Variants in SLC12A5 observed in about 807,000 individuals in gnomAD.
SLC12A5 encodes K-Cl cotransporter 2.
In SLC12A5, 18 loss-of-function variants were observed where a neutral mutation model predicts 124.0. The ratio of observed to expected loss-of-function variants is 0.15; its 90% CI spans 0.10 to 0.22. The LOEUF is 0.22. Among genes scored for constraint, SLC12A5 ranks in the 10% least tolerant of loss-of-function variants. The pLI is 1.00. For synonymous variants in SLC12A5, 589 were observed against 568.0 expected (o/e 1.04, Z -0.53); for missense variants, 867 against 1,478.7 (o/e 0.59, Z 6.78).
rs560941706 is a variant in SLC12A5 at position 46,040,727 on chromosome 20, G to A, written c.854+113G>A. On this transcript the variant is annotated intron_variant, in intron 7 of 25. Coordinates refer to ENST00000243964, the MANE Select transcript of SLC12A5 (RefSeq NM_020708.5). The stretch of plus-strand genomic sequence containing the variant: ...CCCTCAGAATCTCAGAGTGGTGTGG[G>A]TTGGGAGTAGCTTCCCTTGGGAGGG... 7.4e-6 allele frequency: 11 copies of A among 1,485,370 alleles called. No individual in the cohort carries two copies. The African/African-American group carries it at 8.4e-5, about 11-fold the overall frequency. 92.0% of individuals were successfully genotyped at this position (1,485,370 alleles called of 1,614,324 possible). A position where few individuals can be genotyped will look rare whatever the true frequency, so the allele number is the denominator to read the frequency against.
chr20:46,037,446 C>T, intron 6 of SLC12A5, 61 bp downstream of exon 6: 1 of 1,528,290 alleles, frequency 6.5e-7, no homozygotes, highest in Non-Finnish European at 8.8e-7. Context: ...ATCAGTGCTC[C>T]CTGGACACCT....
chr20:46,029,393 C>A lies in SLC12A5; in HGVS notation c.49C>A (p.Pro17Thr). 1 of 1,549,416 alleles carries A rather than the reference C, an allele frequency of 6.5e-7. No homozygotes were observed. Residue 17 changes from proline (P) to threonine (T), a missense_variant, in exon 1 of 26, where the codon CCG (proline) becomes ACG (threonine). Transcript: ENST00000243964. ...DCEDGDGGAN[P>T]GDGNPKESSP... ...CGAGGACGGCGATGGGGGAGCCAAC[C>A]CGGGTAAGCTGTGGTCCGGGGGCGG...
chr20:46,036,627 G>A (rs2084500870), intron 4 of SLC12A5, 114 bp from the exon 5 acceptor site: 3 of 1,088,838 alleles, frequency 2.8e-6, no homozygotes, highest in African/African-American at 3.1e-5. Flanking sequence ...GAGCAGCTCA[G>A]CAGAAGAGAA....
Position 46,058,582 on chromosome 20 carries a change from C to G in SLC12A5, c.*977C>G. The G allele has an allele frequency of 2.5e-6, 1 of 399,216 alleles. No homozygotes were observed. The highest frequency in any genetic ancestry group is 4.4e-6 in the Non-Finnish European group (1 of 226,200). The allele number at this position is 399,216 out of a possible 1,614,324, so 24.7% of individuals were successfully genotyped here. On this transcript the variant is annotated 3_prime_UTR_variant, in exon 26 of 26. Transcript: ENST00000243964. This position sits in a 1 kb window ranked among gnomAD's most constrained non-coding sequence, Gnocchi z 5.8. ...AGAAACCGAGAGGCCCGCGCCCCACCGAGGAAGCCCCGCCCCGGTGCCTTC... is the reference window on the plus strand; with the variant it reads ...AGAAACCGAGAGGCCCGCGCCCCACGGAGGAAGCCCCGCCCCGGTGCCTTC...
In SLC12A5 at chr20:46,048,062, G is replaced by T. The variant is rs373648545; in HGVS notation, c.1989G>T (p.Gly663=). The change falls in exon 16 of 26, where the codon GGG becomes GGT. Residue 663 remains glycine, a synonymous_variant. Transcript: ENST00000243964. ...ATGCCCTCTTACGCCTGGAGGAAGGGCCCCCACACACCAAGAACTGGAGGT... is the reference window on the plus strand; with the variant it reads ...ATGCCCTCTTACGCCTGGAGGAAGGTCCCCCACACACCAAGAACTGGAGGT... ...ARYALLRLEE[G]PPHTKNWRPQ... 1.2e-6 allele frequency: 2 copies of T among 1,612,462 alleles called. No homozygotes were observed. Among genetic ancestry groups the T allele is most frequent in the Non-Finnish European group, 8.5e-7 (1 of 1,179,250 alleles).
chr20:46,029,156 G>A (rs2084422460), upstream of SLC12A5: 2 of 1,404,242 alleles, frequency 1.4e-6, no homozygotes, highest in Non-Finnish European at 1.8e-6. Flanking sequence ...CTGAGAGGGG[G>A]CGCGCGCGGG....
At chr20:46,035,580 G>A (rs2084490635) in intron 3 of SLC12A5, 45 bp downstream of exon 3, 1 of 1,574,308 alleles carries the variant, frequency 6.4e-7, no homozygotes, top group Non-Finnish European at 8.6e-7. Flanking sequence ...GGGACGGATG[G>A]GGGGTGGGGG....
intron 18 of SLC12A5, 116 bp from the exon 19 acceptor site, chr20:46,052,841 G>C: frequency 2.6e-6 from 3 of 1,170,424 alleles, no homozygotes; most frequent in Non-Finnish European, 3.6e-6. Flanking sequence ...CCATGGCCAA[G>C]GCCAGTTGGA....
intron 4 of SLC12A5, chr20:46,036,124 C>A: frequency 1.8e-6 from 1 of 555,604 alleles, no homozygotes; most frequent in South Asian, 3.4e-5. Context: ...CCAGGTTTCA[C>A]CTGGATCTCT....
At chr20:46,052,828 A>G (rs1046552477) in intron 18 of SLC12A5, 129 bp from the exon 19 acceptor site, 151 of 973,902 alleles carry the variant, frequency 1.6e-4, no homozygotes, top group Non-Finnish European at 2.0e-4. Context: ...CTGACCACTC[A>G]GCCCATGGCC....
In SLC12A5 at chr20:46,031,539, G is replaced by T. The variant is rs139050450; in HGVS notation, c.52+2143G>T. On this transcript the variant is annotated intron_variant, in intron 1 of 25. Coordinates refer to ENST00000243964, the MANE Select transcript of SLC12A5 (RefSeq NM_020708.5). Reference sequence around the variant, plus strand: ...AGGAACTGGTTGCTGACCTCGGGCAGGTGGGGATGACCCGAGCAAGAGGGC... The same window carrying T: ...AGGAACTGGTTGCTGACCTCGGGCATGTGGGGATGACCCGAGCAAGAGGGC... 7.2e-5 allele frequency among the ~76,000 whole-genome samples: 11 copies of T among 152,354 alleles called. No homozygotes were observed. The East Asian group carries it at 9.6e-4, about 13-fold the overall frequency.
chr20:46,048,023 C>T lies in SLC12A5; in HGVS notation c.1950C>T (p.Leu650=), dbSNP rs746329899. 1 of 1,612,906 alleles carries T rather than the reference C, an allele frequency of 6.2e-7. No homozygotes were observed. The highest frequency in any genetic ancestry group is 8.5e-7 in the Non-Finnish European group (1 of 1,179,522). ...EWGDGIRGLS[L]SAARYALLRL... is the part of the protein sequence containing the mutation. Reference sequence around the variant, plus strand: ...GCGATGGGATACGAGGTCTGTCTCTCAGTGCGGCTCGCTATGCCCTCTTAC... The same window carrying T: ...GCGATGGGATACGAGGTCTGTCTCTTAGTGCGGCTCGCTATGCCCTCTTAC... Residue 650 remains leucine, a synonymous_variant, in exon 16 of 26, where the codon CTC becomes CTT. Coordinates refer to ENST00000243964, the MANE Select transcript of SLC12A5 (RefSeq NM_020708.5).
chr20:46,057,037 A>T lies in SLC12A5; in HGVS notation c.3125+126A>T, dbSNP rs2084702148. 2.5e-6 allele frequency: 4 copies of T among 1,586,198 alleles called. No homozygotes were observed. The highest frequency in any genetic ancestry group is 2.7e-5 in the African/African-American group (2 of 74,074). On this transcript the variant is annotated intron_variant, in intron 24 of 25. Transcript: ENST00000243964. This position sits in a 1 kb window ranked among gnomAD's most constrained non-coding sequence, Gnocchi z 7.1. Reference sequence around the variant, plus strand: ...GATCTCTGAATAGCCTAGCCTGGAGATGTTTAGGATTGGTGGTCCTAGGCT... The same window carrying T: ...GATCTCTGAATAGCCTAGCCTGGAGTTGTTTAGGATTGGTGGTCCTAGGCT...
At position 46,022,962 on chromosome 20, in the gene SLC12A5, G is replaced by GGAGGAGGAA. The variant is rs2084367836; in HGVS notation, c.89_90insAGAGGAGGA (p.Gly30_Gly31insArgGlyGly). 19 of 398,274 alleles carry GGAGGAGGAA rather than the reference G, an allele frequency of 4.8e-5. 1 individual carries two copies. Among genetic ancestry groups the GGAGGAGGAA allele is most frequent in the East Asian group, 2.6e-4 (7 of 26,454 alleles). The allele number at this position is 398,274 out of a possible 1,614,324, so 24.7% of individuals were successfully genotyped here. On this transcript the variant is annotated inframe_insertion, in exon 2 of 3. Coordinates refer to the SLC12A5 transcript ENST00000413737. Reference sequence around the variant, plus strand: ...AGCGAGGGGAGGAGGAGGAGGAGGAGGAGGAGGAGGAGGAAGAGGAGGAGG... The same window carrying GGAGGAGGAA: ...AGCGAGGGGAGGAGGAGGAGGAGGAGGAGGAGGAAGAGGAGGAGGAGGAAGAGGAGGAGG...
rs1366449247 is a variant in SLC12A5 at position 46,056,450 on chromosome 20, C to G, written c.2996C>G (p.Thr999Arg). The change falls in exon 23 of 26, where the codon ACA (threonine) becomes AGA (arginine). Residue 999 changes from threonine to arginine, a missense_variant. Thr to Arg is a moderately conservative substitution (Grantham distance 71). This residue lies in a region of SLC12A5 where 180 missense variants were observed against 243.6 expected (regional missense o/e 0.74). Transcript: ENST00000243964. The surrounding 1 kb of genome is among the most constrained non-coding windows in gnomAD (Gnocchi z 4.3). The part of the protein sequence containing the change: ...PGEEPEGEGE[T>R]DPEKVHLTWT... Reference sequence around the variant, plus strand: ...GAGGAGCCTGAGGGGGAAGGGGAGACAGATCCGGAGAAGGTGCATCTCACC... The same window carrying G: ...GAGGAGCCTGAGGGGGAAGGGGAGAGAGATCCGGAGAAGGTGCATCTCACC... 5 of 1,614,006 alleles carry G rather than the reference C, an allele frequency of 3.1e-6. No individual in the cohort carries two copies. The highest frequency in any genetic ancestry group is 4.2e-6 in the Non-Finnish European group (5 of 1,179,994).
At position 46,049,744 on chromosome 20, in the gene SLC12A5, AG is replaced by A; in HGVS notation, c.2138del (p.Gly713AlafsTer20). 6.2e-7 allele frequency: 1 copy of A among 1,603,666 alleles called. No homozygotes were observed. The highest frequency in any genetic ancestry group is 1.1e-5 in the South Asian group (1 of 88,334). ...KGLTIVGSVL[E>X]GTFLENHPQA... is the part of the protein sequence containing the mutation. ...CTGACCATCGTGGGCTCTGTCCTTG[AG>A]GGCACCTTTCTGGAAAATCATCCAC... On this transcript the variant is annotated frameshift_variant, in exon 17 of 26. Coordinates refer to ENST00000243964, the MANE Select transcript of SLC12A5 (RefSeq NM_020708.5). LOFTEE classifies it high-confidence loss of function.
rs757020460 is a variant in SLC12A5 at position 46,053,585 on chromosome 20, G to A, written c.2555G>A (p.Arg852Gln). 2.5e-6 allele frequency: 4 copies of A among 1,613,842 alleles called. No homozygotes were observed. The highest frequency in any genetic ancestry group is 2.2e-5 in the East Asian group (1 of 44,882). The change falls in exon 20 of 26, where the codon CGG becomes CAG. Residue 852 changes from arginine (R) to glutamine (Q), a missense_variant. Arg to Gln is a conservative substitution (Grantham distance 43). Transcript: ENST00000243964. The surrounding 1 kb of genome is among the most constrained non-coding windows in gnomAD (Gnocchi z 4.7). Reference sequence around the variant, plus strand: ...CCCCTTCATCGCCTGCAGGTCTGGCGGAAGTGCAAGATGCGTATCTTCACT... The same window carrying A: ...CCCCTTCATCGCCTGCAGGTCTGGCAGAAGTGCAAGATGCGTATCTTCACT... The part of the protein sequence containing the change: ...PFLLRHHKVW[R>Q]KCKMRIFTVA...
rs147067166 is a variant in SLC12A5, at chr20:46,033,718, C to G, written c.53-1230C>G. Among the ~76,000 whole-genome samples the G allele has an allele frequency of 7.9e-5, 12 of 152,268 alleles. No homozygotes were observed. In the East Asian group the frequency reaches 1.9e-3, roughly 25 times the overall value. ...CCATTTATCAAATAGCACCATCATC[C>G]AACCATTCACCCATGCTAGAAACCG... On this transcript the variant is annotated intron_variant, in intron 1 of 25. Transcript: ENST00000243964.
At chr20:46,055,934 T>G in intron 21 of SLC12A5, 8 of 589,050 alleles carry the variant, frequency 1.4e-5, no homozygotes, top group African/African-American at 1.9e-5. Context: ...GGTTAACCCT[T>G]TTGTTGCCAG....
Sources: gnomAD v4.1 joint callset for allele counts (sites outside exome capture counted in the v4.1 genomes callset) on GRCh38, gnomAD v4.1.1 for gene constraint, gnomAD v4.1.1 regional missense constraint, Gnocchi (gnomAD v3.1) non-coding constraint, MANE v1.5 for transcripts, NCBI Gene and HGNC (gene_info 2026-07-23, HGNC 2026-07-21) for gene names.